The following RASAL2 variants were observed in gnomAD, a reference collection of about 807,000 sequenced individuals.
The protein encoded by RASAL2 is ras GTPase-activating protein nGAP.
In RASAL2, 58 loss-of-function variants were observed where a neutral mutation model predicts 128.9. The ratio of observed to expected loss-of-function variants is 0.45; its 90% CI spans 0.36 to 0.56. RASAL2 has a LOEUF of 0.56. Among genes scored for constraint, RASAL2 ranks in the 20% least tolerant of loss-of-function variants. RASAL2 has a pLI of 0.00. For missense variants in RASAL2, 1,360 were observed against 1,601.6 expected, an observed-to-expected ratio of 0.85 and a Z score of 2.57; for synonymous variants, 561 against 580.8, an observed-to-expected ratio of 0.97 and a Z score of 0.49.
chr1:178,450,389 G>A (rs1243647904), intron 9 of RASAL2, among the ~76,000 whole-genome samples: 1 of 152,016 alleles, frequency 6.6e-6, no homozygotes, highest in Non-Finnish European at 1.5e-5. Flanking sequence ...TTTGAGCCTA[G>A]ATCTCTGACC....
intron 9 of RASAL2, among the ~76,000 whole-genome samples, chr1:178,446,722 T>C (rs529437756): frequency 5.9e-5 from 9 of 152,292 alleles, no homozygotes; most frequent in African/African-American, 1.9e-4. Flanking sequence ...GATATAACAT[T>C]AGGGATATCT....
chr1:178,154,437 C>T (rs1233272757), intron 1 of RASAL2, among the ~76,000 whole-genome samples: 4 of 152,136 alleles, frequency 2.6e-5, no homozygotes, highest in Non-Finnish European at 5.9e-5. Context: ...CAGTGGGCCA[C>T]ACTGCCTAGC....
intron 1 of RASAL2, among the ~76,000 whole-genome samples, chr1:178,112,247 A>C (rs1211179216): frequency 6.6e-6 from 1 of 151,970 alleles, no homozygotes; most frequent in African/African-American, 2.4e-5. Flanking sequence ...TACTTTTGCT[A>C]TTTTATTTAA....
At chr1:178,201,770 C>CTACG (rs1662880777) in intron 1 of RASAL2, among the ~76,000 whole-genome samples, 1 of 152,152 alleles carries the variant, frequency 6.6e-6, no homozygotes, top group Non-Finnish European at 1.5e-5. Flanking sequence ...TGATAGAAGC[C>CTACG]TACGGCATTC....
chr1:178,332,370 G>A (rs1187282639), intron 3 of RASAL2, among the ~76,000 whole-genome samples: 1 of 151,832 alleles, frequency 6.6e-6, no homozygotes, highest in Non-Finnish European at 1.5e-5. Context: ...GCCAGGGGTG[G>A]TGGCAGGCAC....
In RASAL2 at chr1:178,198,015, C is replaced by A. The variant is rs531013265; in HGVS notation, c.203-85549C>A. Among the ~76,000 whole-genome samples the A allele has an allele frequency of 3.9e-5, 6 of 152,320 alleles. No individual in the cohort carries two copies. In the South Asian group the frequency reaches 1.2e-3, roughly 32 times the overall value. ...GTTTCCAGCTTCATCCATGTCGCTA[C>A]AAAGGACATGAACTCATCCTTTTTT... On this transcript the variant is annotated intron_variant, in intron 1 of 17. Transcript: ENST00000367649.
At chr1:178,419,966 A>T (rs574518786) in intron 4 of RASAL2, among the ~76,000 whole-genome samples, 56 of 152,214 alleles carry the variant, frequency 3.7e-4, no homozygotes, top group Non-Finnish European at 6.3e-4. Context: ...CCACCAATAC[A>T]TTATATTTTA....
At chr1:178,100,648 A>T (rs1658862096) in intron 1 of RASAL2, among the ~76,000 whole-genome samples, 1 of 152,204 alleles carries the variant, frequency 6.6e-6, no homozygotes, top group Non-Finnish European at 1.5e-5. Flanking sequence ...AAGATTATTA[A>T]GGAAATGGTG....
chr1:178,375,177 T>G (rs935676628), intron 3 of RASAL2, among the ~76,000 whole-genome samples: 4 of 152,096 alleles, frequency 2.6e-5, no homozygotes, highest in Admixed American at 6.6e-5. Context: ...TTTATGGAAA[T>G]GGTAGGGTTT....
intron 1 of RASAL2, among the ~76,000 whole-genome samples, chr1:178,132,740 T>C (rs1660165556): frequency 6.6e-6 from 1 of 152,026 alleles, no homozygotes; most frequent in Non-Finnish European, 1.5e-5. Context: ...ATTTTTGTTG[T>C]TTTGATTCAC....
chr1:178,131,352 G>A (rs1419103068), intron 1 of RASAL2, among the ~76,000 whole-genome samples: 12 of 146,782 alleles, frequency 8.2e-5, no homozygotes, highest in African/African-American at 2.0e-4. Flanking sequence ...CACTGTAGTC[G>A]TGCACTACCA....
chr1:178,138,857 TC>T (rs879632750), intron 1 of RASAL2, among the ~76,000 whole-genome samples: 1 of 152,096 alleles, frequency 6.6e-6, no homozygotes, highest in Non-Finnish European at 1.5e-5. Context: ...AACAGTTCCT[TC>T]CATCTAGTAA....
At chr1:178,239,961 A>C (rs1370295171) in intron 1 of RASAL2, among the ~76,000 whole-genome samples, 1 of 152,050 alleles carries the variant, frequency 6.6e-6, no homozygotes, top group Admixed American at 6.5e-5. Flanking sequence ...TTTTTATTTT[A>C]TAAATTTTTT....
intron 1 of RASAL2, among the ~76,000 whole-genome samples, chr1:178,171,404 A>G (rs1047756399): frequency 3.3e-5 from 5 of 151,988 alleles, no homozygotes; most frequent in Admixed American, 2.0e-4. Flanking sequence ...TCCCCACAAA[A>G]GAATAAAAGT....
In RASAL2 at chr1:178,463,070, A is replaced by G. The variant is rs554316146; in HGVS notation, c.3253-1208A>G. Among the ~76,000 whole-genome samples the G allele has an allele frequency of 4.6e-5, 7 of 152,212 alleles. No individual in the cohort carries two copies. In the East Asian group the frequency reaches 7.7e-4, roughly 17 times the overall value. The stretch of plus-strand genomic sequence containing the variant: ...AAATACCCCTTCTTTTAAAATATTT[A>G]TTTAGAGTTTAACTGAGTTCTATTT... On this transcript the variant is annotated intron_variant, in intron 14 of 17. Transcript: ENST00000367649.
chr1:178,303,059 C>CAAATAG (rs1393075778), intron 3 of RASAL2, among the ~76,000 whole-genome samples: 1 of 151,942 alleles, frequency 6.6e-6, no homozygotes, highest in Non-Finnish European at 1.5e-5. Context: ...GAAGAATAAA[C>CAAATAG]AAATAGAATA....
chr1:178,249,005 T>C (rs577873545), intron 1 of RASAL2, among the ~76,000 whole-genome samples: 8 of 152,296 alleles, frequency 5.3e-5, no homozygotes, highest in African/African-American at 1.9e-4. Context: ...GAGAATCTGA[T>C]GATTATGTGT....
At chr1:178,137,946 C>G (rs1446228859) in intron 1 of RASAL2, among the ~76,000 whole-genome samples, 1 of 152,076 alleles carries the variant, frequency 6.6e-6, no homozygotes, top group Admixed American at 6.6e-5. Context: ...TGTTCTTACT[C>G]TAGTGAGGGT....
chr1:178,403,465 C>G (rs1194458506), intron 4 of RASAL2, among the ~76,000 whole-genome samples: 6 of 151,958 alleles, frequency 3.9e-5, no homozygotes, highest in Non-Finnish European at 8.8e-5. Flanking sequence ...AAAATAGGAA[C>G]AGAATTAATT....
Sources: allele counts gnomAD v4.1 joint callset (sites outside exome capture counted in the v4.1 genomes callset), GRCh38; gene constraint gnomAD v4.1.1; transcripts MANE v1.5; gene names NCBI Gene and HGNC (gene_info 2026-07-23, HGNC 2026-07-21).